FAM135A: variants seen among roughly 807,000 people sequenced by gnomAD.
FAM135A encodes the protein protein FAM135A.
FAM135A carries 79 observed loss-of-function variants against 146.8 expected under a neutral mutation model. That is an observed-to-expected ratio of 0.54 (90% CI 0.45 to 0.65). The LOEUF is 0.65. FAM135A is among the 30% of genes least tolerant of loss of function. The pLI, the probability that FAM135A is intolerant of heterozygous loss-of-function variation, is 0.00. For synonymous variants in FAM135A, 562 were observed against 603.6 expected (o/e 0.93, Z 1.01); for missense variants, 1,623 against 1,758.2 (o/e 0.92, Z 1.38).
chr6:70,454,529 G>T (rs1777867265), intron 5 of FAM135A, among the ~76,000 whole-genome samples: 1 of 152,092 alleles, frequency 6.6e-6, no homozygotes, highest in Non-Finnish European at 1.5e-5. Context: ...TCTAGGATTT[G>T]TATGGTTTTA....
At chr6:70,551,695 A>G (rs1453769529) in intron 20 of FAM135A, among the ~76,000 whole-genome samples, 4 of 152,266 alleles carry the variant, frequency 2.6e-5, no homozygotes, top group South Asian at 4.1e-4. Context: ...TGATCAGTCC[A>G]CTTCCCATAT....
intron 12 of FAM135A, among the ~76,000 whole-genome samples, chr6:70,518,074 A>G (rs1792711639): frequency 6.6e-6 from 1 of 152,246 alleles, no homozygotes; most frequent in African/African-American, 2.4e-5. Context: ...GATAGACTGC[A>G]AGGTAGGTCT....
At position 70,525,474 on chromosome 6, in the gene FAM135A, C is replaced by T. The variant is rs1310554674; in HGVS notation, c.2390C>T (p.Pro797Leu). Reference protein sequence around the residue: ...LVFETVQGQGPCNSERLFPQL... With the variant: ...LVFETVQGQGLCNSERLFPQL... ...TTTGAAACTGTGCAAGGGCAAGGTCCTTGCAATAGTGAAAGATTATTTCCT... is the reference window on the plus strand; with the variant it reads ...TTTGAAACTGTGCAAGGGCAAGGTCTTTGCAATAGTGAAAGATTATTTCCT... Residue 797 changes from proline to leucine, a missense_variant, in exon 15 of 22, where the codon CCT becomes CTT. Around this residue, in one of 7 missense-constraint regions of FAM135A, gnomAD observed 1,061 missense variants for 1,113.8 expected, o/e 0.95. Transcript: ENST00000418814. 4 of 1,612,272 alleles carry T rather than the reference C, an allele frequency of 2.5e-6. No homozygotes were observed. Among genetic ancestry groups the T allele is most frequent in the South Asian group, 2.2e-5 (2 of 90,648 alleles).
rs181344946 is a variant in FAM135A, at chr6:70,458,761, A to G, written c.157+6190A>G. 4.7e-3 allele frequency among the ~76,000 whole-genome samples: 723 copies of G among 152,242 alleles called. 3 individuals carry two copies. Among genetic ancestry groups the G allele is most frequent in the Non-Finnish European group, 7.8e-3 (532 of 68,002 alleles). ...CACAAGTGTTAGTTTGAAACAAAAT[A>G]ATGTTCTTCTGTCTAGATGCATTTC... On this transcript the variant is annotated intron_variant, in intron 5 of 21. Transcript: ENST00000418814.
At chr6:70,542,024 C>A (rs1377021136) in intron 20 of FAM135A, among the ~76,000 whole-genome samples, 3 of 152,164 alleles carry the variant, frequency 2.0e-5, no homozygotes, top group African/African-American at 7.2e-5. Flanking sequence ...GGTTACCCTG[C>A]CACATGTATA....
intron 12 of FAM135A, among the ~76,000 whole-genome samples, chr6:70,521,689 A>G (rs1174550422): frequency 6.6e-6 from 1 of 152,216 alleles, no homozygotes; most frequent in African/African-American, 2.4e-5. Flanking sequence ...TCCTCCCTGT[A>G]CTGTCCAAAT....
rs999179960 is a variant in FAM135A at position 70,471,480 on chromosome 6, A to G, written c.158-3930A>G. 2.0e-5 allele frequency among the ~76,000 whole-genome samples: 3 copies of G among 152,258 alleles called. 1 individual carries two copies. The highest frequency in any genetic ancestry group is 1.3e-4 in the Admixed American group (2 of 15,290). On this transcript the variant is annotated intron_variant, in intron 5 of 21. Transcript: ENST00000418814. The stretch of plus-strand genomic sequence containing the variant: ...ATTCACATTACAACAAACATTACAC[A>G]TGTTCTCACTTATGAGTGGGAGCTA...
rs1318743119 is a variant in FAM135A, at chr6:70,536,715, C to T, written c.4117+304C>T. On this transcript the variant is annotated intron_variant, in intron 19 of 21. Coordinates refer to ENST00000418814, the MANE Select transcript of FAM135A (RefSeq NM_001162529.3). ...TATCTTATAAACAGTTTTGTCATCC[C>T]ATTACTTGAACAGATAACAAACACC... Among the ~76,000 whole-genome samples, 4 of 151,948 alleles carry T rather than the reference C, an allele frequency of 2.6e-5. No individual in the cohort carries two copies. The East Asian group carries it at 7.7e-4, about 29-fold the overall frequency.
At chr6:70,476,485 CAAAGAATTTTGTA>C (rs1410548598) in intron 7 of FAM135A, among the ~76,000 whole-genome samples, 1 of 151,526 alleles carries the variant, frequency 6.6e-6, no homozygotes, top group Non-Finnish European at 1.5e-5. Context: ...TTGTTCATTA[CAAAGAATTTTGTA>C]AAGTCTTTTT....
intron 4 of FAM135A, among the ~76,000 whole-genome samples, chr6:70,447,994 G>C (rs1476728536): frequency 6.7e-6 from 1 of 149,776 alleles, no homozygotes; most frequent in Non-Finnish European, 1.5e-5. Context: ...AAAGGAAAAG[G>C]CTCAAATGTA....
At chr6:70,535,757 C>G (rs1796674445) in intron 18 of FAM135A, 5 of 152,248 alleles carry the variant, frequency 3.3e-5, no homozygotes. Flanking sequence ...TAGGAAAATG[C>G]ATATATTTTA....
intron 2 of FAM135A, among the ~76,000 whole-genome samples, chr6:70,423,931 A>G (rs1301968412): frequency 6.6e-6 from 1 of 152,162 alleles, no homozygotes; most frequent in Non-Finnish European, 1.5e-5. Flanking sequence ...CTCCTCCTCC[A>G]TCCCTCCCAC....
At chr6:70,515,336 C>G (rs912014467) in intron 12 of FAM135A, among the ~76,000 whole-genome samples, 1 of 152,158 alleles carries the variant, frequency 6.6e-6, no homozygotes, top group African/African-American at 2.4e-5. Flanking sequence ...TCATAATCAT[C>G]AAATTTGGAA....
intron 4 of FAM135A, among the ~76,000 whole-genome samples, chr6:70,448,322 G>A (rs899886020): frequency 1.3e-5 from 2 of 152,058 alleles, no homozygotes; most frequent in Non-Finnish European, 2.9e-5. Context: ...CTGTTACTTC[G>A]TTGTACTCTC....
At chr6:70,420,307 G>A (rs969489435) in intron 2 of FAM135A, among the ~76,000 whole-genome samples, 1 of 152,324 alleles carries the variant, frequency 6.6e-6, no homozygotes, top group Non-Finnish European at 1.5e-5. Context: ...GTGGTCTCCA[G>A]TCCATCTTGA....
At chr6:70,420,890 T>G (rs562322990) in intron 2 of FAM135A, among the ~76,000 whole-genome samples, 40 of 152,152 alleles carry the variant, frequency 2.6e-4, no homozygotes, top group South Asian at 2.1e-3. Context: ...ACTTTTTTTT[T>G]TTTGTTTTTG....
intron 11 of FAM135A, among the ~76,000 whole-genome samples, chr6:70,495,788 G>T (rs1317199045): frequency 6.6e-6 from 1 of 151,896 alleles, no homozygotes. Flanking sequence ...CCTTCCCCTA[G>T]CCCCTCACCC....
intron 11 of FAM135A, among the ~76,000 whole-genome samples, chr6:70,492,219 C>T (rs1452958687): frequency 6.6e-6 from 1 of 151,432 alleles, no homozygotes; most frequent in African/African-American, 2.4e-5. Flanking sequence ...ATTAAACAGC[C>T]CTAAAATAGT....
In FAM135A at chr6:70,452,510, T is replaced by C. The variant is rs763659151; in HGVS notation, c.96T>C (p.Ala32=). The C allele has an allele frequency of 6.3e-7, 1 of 1,597,884 alleles. No individual in the cohort carries two copies. The highest frequency in any genetic ancestry group is 2.3e-5 in the East Asian group (1 of 43,708). The change falls in exon 5 of 22, where the codon GCT becomes GCC. Residue 32 remains alanine (A), a synonymous_variant. Coordinates refer to ENST00000418814, the MANE Select transcript of FAM135A (RefSeq NM_001162529.3). ...GCTTTAGTTTTTACCAGATTCGTGC[T>C]TCTATGAAAATTCCATCAAGAATTC... The part of the protein sequence containing the change: ...LFQRGFYQIR[A]SMKIPSRIPH...
Sources: allele counts gnomAD v4.1 joint callset (sites outside exome capture counted in the v4.1 genomes callset), GRCh38; gene constraint gnomAD v4.1.1; regional missense constraint gnomAD v4.1.1; transcripts MANE v1.5; gene names NCBI Gene and HGNC (gene_info 2026-07-23, HGNC 2026-07-21).